The following SCARA3 variants were observed in gnomAD, a reference collection of about 807,000 sequenced individuals.
The protein encoded by SCARA3 is scavenger receptor class A member 3.
A neutral mutation model predicts 47.0 loss-of-function variants in SCARA3; 39 were observed. The ratio of observed to expected loss-of-function variants is 0.83; its 90% CI spans 0.64 to 1.08. The LOEUF (loss-of-function observed/expected upper bound fraction) is 1.08, where lower values mean the gene tolerates loss of function less well. Ranked by LOEUF, SCARA3 falls within the 50% of genes least tolerant of loss-of-function variation. The probability of loss-of-function intolerance (pLI) is 0.00; values close to 1 mark genes in which losing one functional copy is unlikely to be tolerated. For missense variants in SCARA3, 724 were observed against 792.3 expected (o/e 0.91, Z 1.04); for synonymous variants, 356 against 334.1 (o/e 1.07, Z -0.71).
At chr8:27,714,193 C>CTTTTTTTTTTTTTTTTTTTTTTT in the SCARA3 span, among the ~76,000 whole-genome samples, 2 of 114,112 alleles carry the variant, frequency 1.8e-5, no homozygotes, top group African/African-American at 3.6e-5. Context: ...TCAGGTATTC[C>CTTTTTTTTTTTTTTTTTTTTTTT]TTTTTTTTTT....
the SCARA3 span, among the ~76,000 whole-genome samples, chr8:27,694,946 A>C: frequency 6.6e-6 from 1 of 152,156 alleles, no homozygotes; most frequent in South Asian, 2.1e-4. Flanking sequence ...CTACAGTTGT[A>C]GGTTTGGGTC....
At chr8:27,730,492 T>TTC in the SCARA3 span, among the ~76,000 whole-genome samples, 3 of 147,192 alleles carry the variant, frequency 2.0e-5, no homozygotes, top group Non-Finnish European at 1.5e-5. Flanking sequence ...CCTTTGATTT[T>TTC]TTTTTTTTTT....
chr8:27,720,469 T>C, the SCARA3 span, among the ~76,000 whole-genome samples: 2 of 152,190 alleles, frequency 1.3e-5, no homozygotes, highest in African/African-American at 4.8e-5. Flanking sequence ...ACTAAGACTC[T>C]TACCCCATCT....
intron 3 of SCARA3, among the ~76,000 whole-genome samples, chr8:27,652,155 A>G (rs183880575): frequency 6.6e-6 from 1 of 152,286 alleles, no homozygotes; most frequent in East Asian, 1.9e-4. Flanking sequence ...GGTCTCCCTC[A>G]GCCAGACCTG....
chr8:27,656,679 G>T lies in SCARA3; in HGVS notation c.227-103G>T, dbSNP rs34963625. 164 of 753,690 alleles carry T rather than the reference G, an allele frequency of 2.2e-4. No individual in the cohort carries two copies. In the East Asian group the frequency reaches 4.0e-3, roughly 18 times the overall value. The allele number at this position is 753,690 out of a possible 1,614,324, so 46.7% of individuals were successfully genotyped here. A position where few individuals can be genotyped will look rare whatever the true frequency, so the allele number is the denominator to read the frequency against. ...GAAGCCTGAGAGAAGAAGGGTGAAA[G>T]GTTTTGGTTGCAGAGGAGCTGATAA... On this transcript the variant is annotated intron_variant, in intron 3 of 5. Transcript: ENST00000301904.
chr8:27,679,686 C>G (rs1329948989), downstream of SCARA3: 1 of 152,148 alleles, frequency 6.6e-6, no homozygotes, highest in African/African-American at 2.4e-5. Flanking sequence ...AAGGGCACAT[C>G]AGATATTAAC....
At chr8:27,727,105 C>T in the SCARA3 span, among the ~76,000 whole-genome samples, 1 of 151,916 alleles carries the variant, frequency 6.6e-6, no homozygotes, top group African/African-American at 2.4e-5. Flanking sequence ...TGAAATGGGC[C>T]CTCCCTATGT....
At chr8:27,695,642 C>G in the SCARA3 span, among the ~76,000 whole-genome samples, 139,847 of 152,200 alleles carry the variant, frequency 0.92, 65,470 homozygotes, top group East Asian at 1. Flanking sequence ...AGGAAAATAT[C>G]GTCATAATGA....
intron 1 of SCARA3, among the ~76,000 whole-genome samples, chr8:27,640,743 C>A (rs1801364223): frequency 6.6e-6 from 1 of 152,168 alleles, no homozygotes; most frequent in Non-Finnish European, 1.5e-5. Context: ...GTTGCCCAAG[C>A]TGGAGGGTAG....
chr8:27,682,897 C>G, the SCARA3 span, among the ~76,000 whole-genome samples: 1 of 151,950 alleles, frequency 6.6e-6, no homozygotes, highest in East Asian at 1.9e-4. Flanking sequence ...ACAAACACCT[C>G]TCAAATAGTC....
intron 1 of SCARA3, among the ~76,000 whole-genome samples, chr8:27,638,914 A>G (rs1801319590): frequency 6.6e-6 from 1 of 152,160 alleles, no homozygotes; most frequent in South Asian, 2.1e-4. Context: ...GGTTTCAGCC[A>G]CAGACAGGCT....
At position 27,671,671 on chromosome 8, in the gene SCARA3, C is replaced by T; in HGVS notation, c.*320C>T. The T allele has an allele frequency of 9.1e-7, 1 of 1,102,248 alleles. No individual in the cohort carries two copies. The highest frequency in any genetic ancestry group is 1.1e-6 in the Non-Finnish European group (1 of 898,178). 68.3% of individuals were successfully genotyped at this position (1,102,248 alleles called of 1,614,324 possible). A position where few individuals can be genotyped will look rare whatever the true frequency, so the allele number is the denominator to read the frequency against. On this transcript the variant is annotated 3_prime_UTR_variant, in exon 6 of 6. Coordinates refer to ENST00000301904, the MANE Select transcript of SCARA3 (RefSeq NM_016240.3). ...ACACACATGCACGCACACACACATG[C>T]ACACATACACGTGCACACATACACA...
downstream of SCARA3, among the ~76,000 whole-genome samples, chr8:27,673,666 G>T (rs1463845323): frequency 6.6e-6 from 1 of 152,084 alleles, no homozygotes; most frequent in Admixed American, 6.6e-5. Context: ...GTAGCATGAG[G>T]TCCCTCCTCC....
At chr8:27,724,096 A>T in the SCARA3 span, among the ~76,000 whole-genome samples, 9 of 152,214 alleles carry the variant, frequency 5.9e-5, no homozygotes, top group African/African-American at 2.2e-4. Context: ...TCTCGGCTTG[A>T]TGACTTGCCA....
At chr8:27,711,714 A>T in the SCARA3 span, among the ~76,000 whole-genome samples, 27 of 152,116 alleles carry the variant, frequency 1.8e-4, no homozygotes, top group African/African-American at 6.0e-4. Flanking sequence ...AATAACAAAA[A>T]CTTATCATAA....
At chr8:27,724,636 C>A in the SCARA3 span, among the ~76,000 whole-genome samples, 1 of 152,050 alleles carries the variant, frequency 6.6e-6, no homozygotes, top group African/African-American at 2.4e-5. Flanking sequence ...CCAGCCCTGG[C>A]GACAGGGCAA....
chr8:27,659,059 A>G lies in SCARA3; in HGVS notation c.889A>G (p.Met297Val). The G allele has an allele frequency of 6.2e-7, 1 of 1,614,070 alleles. No individual in the cohort carries two copies. Among genetic ancestry groups the G allele is most frequent in the Non-Finnish European group, 8.5e-7 (1 of 1,180,004 alleles). ...GCGCATCAGCCAGAACTCAGAGAGCATGCACGACCTGGTACTCCAGGTCAT... is the reference window on the plus strand; with the variant it reads ...GCGCATCAGCCAGAACTCAGAGAGCGTGCACGACCTGGTACTCCAGGTCAT... ...SQRISQNSES[M>V]HDLVLQVMGL... The change falls in exon 5 of 6, where the codon ATG (methionine) becomes GTG (valine). Residue 297 changes from methionine (M) to valine (V), a missense_variant. Transcript: ENST00000301904.
chr8:27,708,832 C>A, the SCARA3 span, among the ~76,000 whole-genome samples: 1 of 151,908 alleles, frequency 6.6e-6, no homozygotes, highest in Non-Finnish European at 1.5e-5. Flanking sequence ...TTTTATACAA[C>A]TTTTTTAGTT....
chr8:27,641,497 C>A (rs776724294), intron 1 of SCARA3, among the ~76,000 whole-genome samples: 1 of 152,210 alleles, frequency 6.6e-6, no homozygotes, highest in Non-Finnish European at 1.5e-5. Context: ...TGCATGCCCC[C>A]CTCTGACACT....
Sources: gnomAD v4.1 joint callset for allele counts (sites outside exome capture counted in the v4.1 genomes callset) on GRCh38, gnomAD v4.1.1 for gene constraint, MANE v1.5 for transcripts, NCBI Gene and HGNC (gene_info 2026-07-23, HGNC 2026-07-21) for gene names.